The following SAE1 variants were observed in gnomAD, a reference collection of about 807,000 sequenced individuals.
SAE1 encodes SUMO1 activating enzyme subunit 1.
SAE1 carries 11 observed loss-of-function variants against 40.6 expected under a neutral mutation model. The observed-to-expected ratio is 0.27, with a 90% confidence interval of 0.17 to 0.45. SAE1 has a LOEUF of 0.45. SAE1 is among the 20% of genes least tolerant of loss of function. The pLI, the probability that SAE1 is intolerant of heterozygous loss-of-function variation, is 1.00. For synonymous variants in SAE1, 155 were observed against 154.3 expected (o/e 1.00, Z -0.03); for missense variants, 373 against 427.3 (o/e 0.87, Z 1.12).
chr19:47,174,467 G>A (rs895192070), intron 6 of SAE1, among the ~76,000 whole-genome samples: 1 of 150,710 alleles, frequency 6.6e-6, no homozygotes, highest in African/African-American at 2.4e-5. Flanking sequence ...TGCGATCTCG[G>A]TTCACCACAA....
intron 6 of SAE1, among the ~76,000 whole-genome samples, chr19:47,171,195 A>G (rs1568598485): frequency 6.6e-6 from 1 of 151,312 alleles, no homozygotes; most frequent in Non-Finnish European, 1.5e-5. Context: ...GGTTGGGCTC[A>G]CTCTCTTGAC....
chr19:47,153,392 ATTTTG>A (rs772480094), intron 4 of SAE1, among the ~76,000 whole-genome samples: 1 of 152,200 alleles, frequency 6.6e-6, no homozygotes, highest in Non-Finnish European at 1.5e-5. Context: ...TCATCCTCTC[ATTTTG>A]AACACTGAGG....
At chr19:47,144,692 C>A (rs887844010) in intron 2 of SAE1, among the ~76,000 whole-genome samples, 3 of 152,040 alleles carry the variant, frequency 2.0e-5, no homozygotes, top group African/African-American at 7.2e-5. Context: ...GAGTGAGACT[C>A]CGTTTCAACA....
chr19:47,148,617 CTTTT>C (rs923760660), intron 2 of SAE1, among the ~76,000 whole-genome samples: 2 of 139,514 alleles, frequency 1.4e-5, no homozygotes, highest in Non-Finnish European at 1.6e-5. Flanking sequence ...TCTCTGAGTT[CTTTT>C]TTTTTTTTTT....
intron 5 of SAE1, among the ~76,000 whole-genome samples, chr19:47,163,493 C>T (rs2058371675): frequency 6.6e-6 from 1 of 152,028 alleles, no homozygotes; most frequent in Non-Finnish European, 1.5e-5. Context: ...TTTGGGAGGC[C>T]AAGGCGGGTG....
intron 2 of SAE1, among the ~76,000 whole-genome samples, chr19:47,149,205 C>T (rs2058272294): frequency 7.8e-6 from 1 of 127,874 alleles, no homozygotes; most frequent in Admixed American, 9.9e-5. Context: ...GAGTCTTGCT[C>T]TGTTGCCCAG....
chr19:47,157,909 T>A (rs2123224203), intron 5 of SAE1, among the ~76,000 whole-genome samples: 1 of 152,318 alleles, frequency 6.6e-6, no homozygotes, highest in African/African-American at 2.4e-5. Flanking sequence ...CCGACTGGGC[T>A]GGACTGGGTT....
intron 1 of SAE1, among the ~76,000 whole-genome samples, chr19:47,134,973 T>C (rs2058169304): frequency 1.3e-5 from 2 of 152,204 alleles, no homozygotes; most frequent in South Asian, 4.1e-4. Context: ...TTTTAGACAG[T>C]CTTAGAGAGT....
intron 4 of SAE1, among the ~76,000 whole-genome samples, chr19:47,154,708 A>G (rs1363880510): frequency 1.3e-5 from 2 of 151,688 alleles, no homozygotes; most frequent in Non-Finnish European, 2.9e-5. Flanking sequence ...GTTGGCCAGG[A>G]TGGTCTCAAA....
At chr19:47,201,659 G>A (rs2058656242) in intron 7 of SAE1, among the ~76,000 whole-genome samples, 1 of 139,984 alleles carries the variant, frequency 7.1e-6, no homozygotes, top group Admixed American at 7.1e-5. Context: ...ATTATTATTG[G>A]GAGTCTCTCT....
At chr19:47,199,116 G>T (rs2058635351) in intron 7 of SAE1, among the ~76,000 whole-genome samples, 1 of 151,796 alleles carries the variant, frequency 6.6e-6, no homozygotes, top group African/African-American at 2.4e-5. Context: ...GCTGGGCGCG[G>T]TGGCTCACGC....
intron 1 of SAE1, among the ~76,000 whole-genome samples, chr19:47,136,034 C>G (rs10419833): frequency 0.016 from 2,437 of 151,546 alleles, 69 homozygotes; most frequent in African/African-American, 0.053. Flanking sequence ...AATCTCCTGA[C>G]CTCGTGTACC....
chr19:47,171,637 T>A (rs2058434039), intron 6 of SAE1, among the ~76,000 whole-genome samples: 1 of 149,832 alleles, frequency 6.7e-6, no homozygotes, highest in South Asian at 2.1e-4. Flanking sequence ...ATTTTTAGTA[T>A]TTTTGTATTT....
In SAE1 at chr19:47,209,268, C is replaced by G. The variant is rs1328735720; in HGVS notation, c.*17C>G. The G allele has an allele frequency of 6.2e-7, 1 of 1,613,978 alleles. No homozygotes were observed. The highest frequency in any genetic ancestry group is 1.7e-5 in the Admixed American group (1 of 59,968). ...CCCAAGTGAACTCAAGATTTGGCAG[C>G]CCCAGAGATGCCAACTGCAGCATGC... is the stretch of plus-strand genomic sequence containing the variant. On this transcript the variant is annotated 3_prime_UTR_variant, in exon 9 of 9. Transcript: ENST00000270225.
chr19:47,145,694 C>T (rs1057246466), intron 2 of SAE1, among the ~76,000 whole-genome samples: 6 of 152,212 alleles, frequency 3.9e-5, no homozygotes, highest in Non-Finnish European at 7.3e-5. Context: ...ACTTCTCCTG[C>T]CTCAGCTTCC....
In SAE1 at chr19:47,209,339, C is replaced by A. The variant is rs1192840257; in HGVS notation, c.*88C>A. ...CTTCCTTCATGAAGGCATCTCCAGG[C>A]AAGGAAAACTGAAGTCATTGGCCCG... On this transcript the variant is annotated 3_prime_UTR_variant, in exon 9 of 9. Coordinates refer to ENST00000270225, the MANE Select transcript of SAE1 (RefSeq NM_005500.3). 1.9e-6 allele frequency: 3 copies of A among 1,602,988 alleles called. No homozygotes were observed. In the South Asian group the frequency reaches 3.3e-5, roughly 18 times the overall value.
At chr19:47,191,718 C>T (rs1362587411) in intron 6 of SAE1, among the ~76,000 whole-genome samples, 2 of 151,174 alleles carry the variant, frequency 1.3e-5, no homozygotes, top group African/African-American at 2.4e-5. Flanking sequence ...TTTTTTTTTT[C>T]AGCTGTTACC....
chr19:47,131,849 C>T (rs537596976), intron 1 of SAE1, among the ~76,000 whole-genome samples: 9 of 151,626 alleles, frequency 5.9e-5, no homozygotes, highest in African/African-American at 2.2e-4. Flanking sequence ...TATAGGGGCC[C>T]GCCAGCACGC....
At chr19:47,183,692 G>A (rs905339401) in intron 6 of SAE1, among the ~76,000 whole-genome samples, 1 of 152,290 alleles carries the variant, frequency 6.6e-6, no homozygotes, top group East Asian at 1.9e-4. Context: ...AGGCCCCAAG[G>A]CCCAGCTGCA....
Sources: gnomAD v4.1 joint callset for allele counts (sites outside exome capture counted in the v4.1 genomes callset) on GRCh38, gnomAD v4.1.1 for gene constraint, MANE v1.5 for transcripts, NCBI Gene and HGNC (gene_info 2026-07-23, HGNC 2026-07-21) for gene names.